The following POLR3A variants were observed in gnomAD, a reference collection of about 807,000 sequenced individuals.
POLR3A encodes DNA-directed RNA polymerase III subunit RPC1.
A neutral mutation model predicts 152.8 loss-of-function variants in POLR3A; 112 were observed. The ratio of observed to expected loss-of-function variants is 0.73; its 90% CI spans 0.63 to 0.86. The LOEUF is 0.86. Among genes scored for constraint, POLR3A ranks in the 40% least tolerant of loss-of-function variants. POLR3A has a pLI of 0.00. For synonymous variants in POLR3A, 615 were observed against 652.1 expected, an observed-to-expected ratio of 0.94 and a Z score of 0.87; for missense variants, 1,385 against 1,743.1, an observed-to-expected ratio of 0.79 and a Z score of 3.66.
chr10:78,029,483 G>T lies in POLR3A; in HGVS notation c.-76C>A, dbSNP rs1470133834. On this transcript the variant is annotated 5_prime_UTR_variant, in exon 1 of 31. Coordinates refer to ENST00000372371, the MANE Select transcript of POLR3A (RefSeq NM_007055.4). ...AAACGATGCCCCCAGCACCTCCTGG[G>T]GCTGCTTCTGGACTCGCCGCTAACA... is the stretch of plus-strand genomic sequence containing the variant. 18 of 1,481,878 alleles carry T rather than the reference G, an allele frequency of 1.2e-5. No individual in the cohort carries two copies. The highest frequency in any genetic ancestry group is 2.3e-5 in the East Asian group (1 of 44,166). The allele number at this position is 1,481,878 out of a possible 1,614,324, so 91.8% of individuals were successfully genotyped here. A position where few individuals can be genotyped will look rare whatever the true frequency, so the allele number is the denominator to read the frequency against.
chr10:78,020,432 G>A (rs180767750), intron 8 of POLR3A, among the ~76,000 whole-genome samples: 1 of 151,898 alleles, frequency 6.6e-6, no homozygotes, highest in Non-Finnish European at 1.5e-5. Context: ...TGAGGTTACA[G>A]TGAGCCATGA....
intron 5 of POLR3A, among the ~76,000 whole-genome samples, chr10:78,023,377 T>C (rs992788152): frequency 1.3e-5 from 2 of 151,988 alleles, no homozygotes; most frequent in Non-Finnish European, 2.9e-5. Context: ...AAAGAATCAC[T>C]TGAACGTGGG....
intron 29 of POLR3A, among the ~76,000 whole-genome samples, chr10:77,981,027 G>A (rs933300186): frequency 2.0e-5 from 3 of 152,118 alleles, no homozygotes; most frequent in Non-Finnish European, 2.9e-5. Context: ...TTCAGATCAT[G>A]TTAACTTATT....
rs1847082894 is a variant in POLR3A, at chr10:77,975,820, C to CAGGA, written c.*1654_*1657dup. ...ACAGCTTACTTCCCAGGCATGCTTC[C>CAGGA]AGGAAGGCAGTTGGGGTGGGGGGTA... is the stretch of plus-strand genomic sequence containing the variant. On this transcript the variant is annotated 3_prime_UTR_variant, in exon 31 of 31. Transcript: ENST00000372371. 6.6e-6 allele frequency: 1 copy of CAGGA among 152,176 alleles called. No individual in the cohort carries two copies. Among genetic ancestry groups the CAGGA allele is most frequent in the African/African-American group, 2.4e-5 (1 of 41,394 alleles). The allele number at this position is 152,176 out of a possible 1,614,324, so 9.4% of individuals were successfully genotyped here. A position where few individuals can be genotyped will look rare whatever the true frequency, so the allele number is the denominator to read the frequency against.
chr10:77,989,886 A>G (rs1367141999), intron 21 of POLR3A, among the ~76,000 whole-genome samples: 1 of 152,242 alleles, frequency 6.6e-6, no homozygotes, highest in East Asian at 1.9e-4. Context: ...GGAGAAAAAC[A>G]GACAAAGGCA....
intron 21 of POLR3A, among the ~76,000 whole-genome samples, chr10:77,990,109 C>T (rs984879537): frequency 2.0e-5 from 3 of 152,040 alleles, no homozygotes; most frequent in Non-Finnish European, 4.4e-5. Context: ...CTATTTAGTA[C>T]ACAAAGGAAA....
In POLR3A at chr10:77,986,120, T is replaced by C; in HGVS notation, c.2941A>G (p.Lys981Glu). 2 of 1,597,708 alleles carry C rather than the reference T, an allele frequency of 1.3e-6. No homozygotes were observed. The change falls in exon 22 of 31, where the codon AAG becomes GAG. Residue 981 changes from lysine (K) to glutamate (E), a missense_variant. Physicochemically the swap from Lys to Glu is moderately conservative, Grantham distance 56. Transcript: ENST00000372371. ...ATGCCATATTTATCTCTGGTTTTCT[T>C]GATCTTCTCAGAGACCCCCTTAATG... is the stretch of plus-strand genomic sequence containing the variant. ...KFIKGVSEKI[K>E]KTRDKYGIND...
intron 28 of POLR3A, among the ~76,000 whole-genome samples, chr10:77,981,868 C>CAAAA (rs60259976): frequency 9.3e-4 from 59 of 63,776 alleles, no homozygotes; most frequent in Admixed American, 1.8e-3. Flanking sequence ...ACTAAAAATA[C>CAAAA]AAAAAAAAAA....
chr10:78,016,012 A>T (rs1847520020), intron 10 of POLR3A, among the ~76,000 whole-genome samples: 1 of 152,190 alleles, frequency 6.6e-6, no homozygotes, highest in South Asian at 2.1e-4. Flanking sequence ...ATCTATGAAA[A>T]AATATTACCA....
At chr10:78,016,514 G>A (rs1166881686) in intron 10 of POLR3A, among the ~76,000 whole-genome samples, 1 of 151,684 alleles carries the variant, frequency 6.6e-6, no homozygotes, top group African/African-American at 2.4e-5. Flanking sequence ...AGGAGTTTGA[G>A]ACCAGCCAGG....
chr10:78,020,027 A>T (rs1294275469), intron 8 of POLR3A: 1 of 152,066 alleles, frequency 6.6e-6, no homozygotes, highest in Non-Finnish European at 1.5e-5. Flanking sequence ...TATAAAAATT[A>T]GCTGGGTGTG....
chr10:77,990,619 T>G (rs1404085584), intron 21 of POLR3A, among the ~76,000 whole-genome samples: 7 of 147,044 alleles, frequency 4.8e-5, no homozygotes, highest in Admixed American at 4.8e-4. Flanking sequence ...TGCCTGTCAT[T>G]TTTTTTTTTT....
intron 2 of POLR3A, 113 bp downstream of exon 2, chr10:78,025,981 G>T: frequency 7.4e-7 from 1 of 1,360,416 alleles, no homozygotes; most frequent in Non-Finnish European, 1.0e-6. Context: ...TCTAATATGT[G>T]CAGGGGGGAA....
intron 30 of POLR3A, among the ~76,000 whole-genome samples, chr10:77,979,259 G>A (rs992493573): frequency 1.1e-4 from 16 of 152,276 alleles, no homozygotes; most frequent in African/African-American, 3.6e-4. Flanking sequence ...GGAGGTGAGA[G>A]AGCAAAGGGC....
chr10:77,990,719 C>T (rs989656938), intron 21 of POLR3A, among the ~76,000 whole-genome samples: 7 of 151,160 alleles, frequency 4.6e-5, no homozygotes, highest in East Asian at 1.9e-4. Context: ...CAGGTTCAAG[C>T]GATTCTCCTG....
intron 26 of POLR3A, 57 bp downstream of exon 26, chr10:77,983,863 T>C (rs757997400): frequency 3.8e-6 from 4 of 1,053,734 alleles, no homozygotes; most frequent in Non-Finnish European, 4.5e-6. Context: ...AGTTTATCAG[T>C]ACCTATCTTG....
chr10:78,006,279 C>A (rs997786842), intron 15 of POLR3A, among the ~76,000 whole-genome samples: 1 of 151,560 alleles, frequency 6.6e-6, no homozygotes, highest in Non-Finnish European at 1.5e-5. Context: ...CACCTGTAGT[C>A]CCAGTTACTC....
intron 19 of POLR3A, among the ~76,000 whole-genome samples, chr10:77,993,995 C>A (rs1268991917): frequency 6.6e-6 from 1 of 152,182 alleles, no homozygotes; most frequent in Non-Finnish European, 1.5e-5. Context: ...TCCCTTATGC[C>A]AGAACTAATT....
chr10:78,013,768 G>T lies in POLR3A; in HGVS notation c.1454C>A (p.Thr485Asn). 1 of 1,614,144 alleles carries T rather than the reference G, an allele frequency of 6.2e-7. No individual in the cohort carries two copies. ...ACAGACACACTCATTAAATCTGAAG[G>T]TCCGGTGGGGCTTGACCCTGGCCTG... ...AHLARVKPHR[T>N]FRFNECVCTP... The change falls in exon 11 of 31, where the codon ACC becomes AAC. Residue 485 changes from threonine to asparagine, a missense_variant. Physicochemically the swap from Thr to Asn is moderately conservative, Grantham distance 65. Coordinates refer to ENST00000372371, the MANE Select transcript of POLR3A (RefSeq NM_007055.4).
Sources: allele counts gnomAD v4.1 joint callset (sites outside exome capture counted in the v4.1 genomes callset), GRCh38; gene constraint gnomAD v4.1.1; transcripts MANE v1.5; gene names NCBI Gene and HGNC (gene_info 2026-07-23, HGNC 2026-07-21).